PHGDH: variants seen among roughly 807,000 people sequenced by gnomAD.
The protein encoded by PHGDH is D-3-phosphoglycerate dehydrogenase.
Under a neutral mutation model 52.6 loss-of-function variants are expected in PHGDH, and 50 were observed. The observed-to-expected ratio is 0.95, with a 90% CI of 0.76 to 1.20. PHGDH has a LOEUF of 1.20. Ranked by LOEUF, PHGDH falls within the 50% of genes most tolerant of loss-of-function variation. PHGDH has a pLI of 0.00. For synonymous variants in PHGDH, 271 were observed against 280.5 expected (o/e 0.97, Z 0.34); for missense variants, 630 against 684.6 (o/e 0.92, Z 0.89).
intron 5 of PHGDH, among the ~76,000 whole-genome samples, chr1:119,728,891 C>G (rs917930410): frequency 6.6e-6 from 1 of 152,170 alleles, no homozygotes; most frequent in African/African-American, 2.4e-5. Context: ...ATGGAACTCT[C>G]CCTTTTTCTA....
intron 2 of PHGDH, among the ~76,000 whole-genome samples, chr1:119,723,090 A>G (rs1003443188): frequency 1.3e-5 from 2 of 152,324 alleles, no homozygotes; most frequent in Admixed American, 1.3e-4. Context: ...AAATCTGATC[A>G]TGTGAGACAC....
Position 119,740,386 on chromosome 1 carries a change from G to A in PHGDH, c.946G>A (p.Val316Met), listed in dbSNP as rs146398308. Residue 316 changes from valine to methionine, a missense_variant and splice_region_variant, in exon 9 of 12, where the codon GTG becomes ATG. Physicochemically the swap from Val to Met is conservative, Grantham distance 21. Coordinates refer to ENST00000641023, the MANE Select transcript of PHGDH (RefSeq NM_006623.4). ...AGCCCCGCTCCTCCATCCTCTGCAG[G>A]TGAATGCCCAGGCCCTTACCAGTGC... ...MVKGKSLTGV[V>M]NAQALTSAFS... 2.4e-5 allele frequency: 39 copies of A among 1,614,178 alleles called. No homozygotes were observed. In the South Asian group the frequency reaches 2.7e-4, roughly 11 times the overall value.
At chr1:119,724,489 G>T (rs587627928) in intron 3 of PHGDH, 6 of 336,168 alleles carry the variant, frequency 1.8e-5, no homozygotes, top group East Asian at 7.9e-5. Flanking sequence ...AGGAGGCAGT[G>T]GGGGGAAAGG....
chr1:119,733,516 G>GT (rs1379101611), intron 5 of PHGDH, among the ~76,000 whole-genome samples: 1 of 53,942 alleles, frequency 1.9e-5, no homozygotes, highest in Admixed American at 2.0e-4. Context: ...TAAATTTTTT[G>GT]TAGGGGGGGG....
At chr1:119,727,128 T>A (rs201494632) in intron 5 of PHGDH, 26 bp downstream of exon 5, 94 of 1,386,772 alleles carry the variant, frequency 6.8e-5, no homozygotes, top group Middle Eastern at 1.8e-4. Context: ...AACCCTGTGA[T>A]GTGGGACTTT....
At position 119,743,935 on chromosome 1, in the gene PHGDH, G is replaced by T; in HGVS notation, c.1497G>T (p.Leu499=). Residue 499 remains leucine, a synonymous_variant, in exon 12 of 12, where the codon CTG becomes CTT. Transcript: ENST00000641023. ...GGCTGCTGTCCTACCAGACTTCACT[G>T]GTGTCAGATGGGGAGACCTGGCACG... is the stretch of plus-strand genomic sequence containing the variant. The part of the protein sequence containing the change: ...GVRLLSYQTS[L]VSDGETWHVM... 6.2e-7 allele frequency: 1 copy of T among 1,613,634 alleles called. No individual in the cohort carries two copies. Among genetic ancestry groups the T allele is most frequent in the Non-Finnish European group, 8.5e-7 (1 of 1,179,530 alleles).
At position 119,740,192 on chromosome 1, in the gene PHGDH, C is replaced by T. The variant is rs587757905; in HGVS notation, c.946-194C>T. ...CATTCTGTGTCCATTTCTGGCTCCA[C>T]AGCTTTCTTCATTTGTAGGAACAAG... On this transcript the variant is annotated intron_variant, in intron 8 of 11. Transcript: ENST00000641023. 3.6e-5 allele frequency: 22 copies of T among 605,812 alleles called. No individual in the cohort carries two copies. In the South Asian group the frequency reaches 4.0e-4, roughly 11 times the overall value. 37.5% of individuals were successfully genotyped at this position (605,812 alleles called of 1,614,324 possible).
chr1:119,716,269 G>A lies in PHGDH; in HGVS notation c.138+4109G>A, dbSNP rs587654523. Among the ~76,000 whole-genome samples, 4 of 152,284 alleles carry A rather than the reference G, an allele frequency of 2.6e-5. No homozygotes were observed. In the South Asian group the frequency reaches 8.3e-4, roughly 32 times the overall value. On this transcript the variant is annotated intron_variant, in intron 1 of 11. Transcript: ENST00000641023. Reference sequence around the variant, plus strand: ...ACCTGATGCTCATCTGTAGGAGTCTGACTGGGGACTCTTAGTTTCCCTGGC... The same window carrying A: ...ACCTGATGCTCATCTGTAGGAGTCTAACTGGGGACTCTTAGTTTCCCTGGC...
chr1:119,741,433 G>A (rs1479321859), intron 9 of PHGDH, among the ~76,000 whole-genome samples: 1 of 152,232 alleles, frequency 6.6e-6, no homozygotes, highest in Non-Finnish European at 1.5e-5. Flanking sequence ...GAAGGGGTAA[G>A]AGTAGGGAAT....
chr1:119,740,342 C>A, intron 8 of PHGDH, 44 bp from the exon 9 acceptor site: 1 of 1,612,256 alleles, frequency 6.2e-7, no homozygotes, highest in South Asian at 1.1e-5. Context: ...CAGGATCTGC[C>A]ATGCCTCTTC....
At chr1:119,735,181 G>T (rs1474107488) in intron 6 of PHGDH, 114 bp from the exon 7 acceptor site, 1 of 1,386,810 alleles carries the variant, frequency 7.2e-7, no homozygotes, top group Non-Finnish European at 1.0e-6. Flanking sequence ...CGTCCAGCAG[G>T]AGAGAGGCTC....
chr1:119,720,824 C>T, intron 1 of PHGDH: 1 of 370,122 alleles, frequency 2.7e-6, no homozygotes. Flanking sequence ...TGACTTCCAG[C>T]ATGTGTCTGA....
At chr1:119,742,584 A>G (rs900679289) in intron 10 of PHGDH, 2 of 608,700 alleles carry the variant, frequency 3.3e-6, no homozygotes, top group East Asian at 5.5e-5. Context: ...TGCCTGGCAG[A>G]TCTCTTTGCC....
At chr1:119,726,934 T>C in intron 4 of PHGDH, 29 bp downstream of exon 4, 1 of 1,611,760 alleles carries the variant, frequency 6.2e-7, no homozygotes, top group Non-Finnish European at 8.5e-7. Context: ...TCGCCCCACC[T>C]GGGCTCAGGG....
chr1:119,713,780 C>T (rs1014586950), intron 1 of PHGDH, among the ~76,000 whole-genome samples: 1 of 152,058 alleles, frequency 6.6e-6, no homozygotes, highest in Non-Finnish European at 1.5e-5. Flanking sequence ...CACCAGAGCA[C>T]CAGGTTGGGA....
At chr1:119,729,431 G>C (rs1651590489) in intron 5 of PHGDH, 1 of 152,212 alleles carries the variant, frequency 6.6e-6, no homozygotes, top group African/African-American at 2.4e-5. Flanking sequence ...TGGGAGACAG[G>C]CTCCAGACCA....
intron 6 of PHGDH, 127 bp from the exon 7 acceptor site, chr1:119,735,168 T>C: frequency 8.0e-7 from 1 of 1,245,304 alleles, no homozygotes; most frequent in Non-Finnish European, 1.2e-6. Context: ...GCAAAGAGGC[T>C]GCCGTCCAGC....
intron 2 of PHGDH, among the ~76,000 whole-genome samples, chr1:119,722,093 T>C (rs1378782509): frequency 6.6e-6 from 1 of 152,206 alleles, no homozygotes; most frequent in East Asian, 1.9e-4. Context: ...AGAGGTTAAT[T>C]GGTCACCTGA....
chr1:119,730,606 A>G (rs1465791713), intron 5 of PHGDH, among the ~76,000 whole-genome samples: 1 of 152,224 alleles, frequency 6.6e-6, no homozygotes, highest in Non-Finnish European at 1.5e-5. Context: ...AACTAAATCT[A>G]GCATATTTTT....
Sources: gnomAD v4.1 joint callset for allele counts (sites outside exome capture counted in the v4.1 genomes callset) on GRCh38, gnomAD v4.1.1 for gene constraint, MANE v1.5 for transcripts, NCBI Gene and HGNC (gene_info 2026-07-23, HGNC 2026-07-21) for gene names.